GALK1: variants seen among roughly 807,000 people sequenced by gnomAD.
The protein encoded by GALK1 is galactokinase 1.
A neutral mutation model predicts 38.6 loss-of-function variants in GALK1; 30 were observed. The ratio of observed to expected loss-of-function variants is 0.78; its 90% CI spans 0.58 to 1.05. GALK1 has a LOEUF of 1.05. GALK1 is among the 50% of genes least tolerant of loss of function. GALK1 has a pLI of 0.00. For missense variants in GALK1, 512 were observed against 540.5 expected (o/e 0.95, Z 0.52); for synonymous variants, 240 against 233.6 (o/e 1.03, Z -0.25).
At chr17:75,757,229 G>A (rs151327791), downstream of GALK1, 1,175 of 1,611,842 alleles carry the variant, frequency 7.3e-4, 4 homozygotes, top group Non-Finnish European at 3.0e-4. Flanking sequence ...CAGCCGTGCC[G>A]GGCTCTTCCA....
In GALK1 at chr17:75,758,124, GCTC is replaced by G; in HGVS notation, c.1108_1110del (p.Glu370del). The G allele has an allele frequency of 6.2e-7, 1 of 1,612,680 alleles. No individual in the cohort carries two copies. Among genetic ancestry groups the G allele is most frequent in the Non-Finnish European group, 8.5e-7 (1 of 1,179,910 alleles). Reference sequence around the variant, plus strand: ...TAGAAGGTGGCAGTCCCGCCGTAGTGCTCCTGTAAGAGGCGGGCTGGGGGTGAG... The same window carrying G: ...TAGAAGGTGGCAGTCCCGCCGTAGTGCTGTAAGAGGCGGGCTGGGGGTGAG... On this transcript the variant is annotated inframe_deletion and splice_region_variant, in exon 8 of 8. Transcript: ENST00000588479.
downstream of GALK1, chr17:75,757,481 G>C: frequency 6.2e-7 from 1 of 1,613,114 alleles, no homozygotes; most frequent in Non-Finnish European, 8.5e-7. Context: ...TGTGACCCAG[G>C]AGTTTGTGAG....
At chr17:75,758,998 T>G (rs1271395130) in intron 5 of GALK1, among the ~76,000 whole-genome samples, 1 of 152,140 alleles carries the variant, frequency 6.6e-6, no homozygotes, top group Non-Finnish European at 1.5e-5. Flanking sequence ...TGACTGGAGC[T>G]GAGGCTGGAG....
At chr17:75,756,276 A>G (rs983780147), downstream of GALK1, among the ~76,000 whole-genome samples, 2 of 152,100 alleles carry the variant, frequency 1.3e-5, no homozygotes, top group African/African-American at 4.8e-5. Context: ...CTGAACAACC[A>G]GCCATACCAT....
At chr17:75,754,940 A>G (rs1250239319), downstream of GALK1, 22 of 1,488,938 alleles carry the variant, frequency 1.5e-5, no homozygotes, top group Non-Finnish European at 5.5e-6. Context: ...GCATGCACAC[A>G]TGCACGCACA....
At chr17:75,754,961 C>CAT (rs3988219), downstream of GALK1, 57,563 of 1,531,326 alleles carry the variant, frequency 0.038, 1,470 homozygotes, top group South Asian at 0.044. Context: ...CACGTGCACA[C>CAT]GCATGCACAC....
intron 5 of GALK1, among the ~76,000 whole-genome samples, chr17:75,760,961 T>C (rs1299728393): frequency 6.6e-6 from 1 of 152,112 alleles, no homozygotes; most frequent in Non-Finnish European, 1.5e-5. Context: ...CCCAGTACTT[T>C]GGGAGGCTGA....
intron 1 of GALK1, chr17:75,764,566 C>T (rs995197345): frequency 4.3e-6 from 2 of 460,906 alleles, no homozygotes; most frequent in Admixed American, 2.6e-5. Context: ...GTTTCCTCCT[C>T]TGTAAATTGA....
At chr17:75,757,386 C>A (rs921091392), downstream of GALK1, 14 of 1,612,920 alleles carry the variant, frequency 8.7e-6, no homozygotes, top group African/African-American at 1.7e-4. Flanking sequence ...AGACCCCAAG[C>A]CAGGTCATCT....
At chr17:75,751,960 C>T (rs962677087) in intron 8 of GALK1, 1 of 652,022 alleles carries the variant, frequency 1.5e-6, no homozygotes, top group Non-Finnish European at 2.8e-6. Flanking sequence ...ACTTACTCAG[C>T]AGAGTCCCTT....
At chr17:75,759,964 A>G (rs910218021) in intron 5 of GALK1, among the ~76,000 whole-genome samples, 1 of 152,198 alleles carries the variant, frequency 6.6e-6, no homozygotes, top group African/African-American at 2.4e-5. Flanking sequence ...CAAAAATATG[A>G]CAACTATGGT....
chr17:75,763,929 T>C lies in GALK1; in HGVS notation c.323A>G (p.Asn108Ser). 1.9e-6 allele frequency: 3 copies of C among 1,613,820 alleles called. No homozygotes were observed. Among genetic ancestry groups the C allele is most frequent in the East Asian group, 2.2e-5 (1 of 44,866 alleles). Residue 108 changes from asparagine to serine, a missense_variant, in exon 2 of 8, where the codon AAC becomes AGC. By Grantham distance (46) the Asn-to-Ser change is conservative. Transcript: ENST00000588479. ...GTACTGAATCACTCCCTTGACATAG[T>C]TGGCCCACCGAGGAGTCCCAGGCTC... ...SLEPGTPRWANYVKGVIQYYP... is the reference protein window; with the variant it reads ...SLEPGTPRWASYVKGVIQYYP...
downstream of GALK1, chr17:75,757,871 G>T: frequency 1.4e-6 from 1 of 724,950 alleles, no homozygotes; most frequent in Admixed American, 2.2e-5. Context: ...CCTAGGGTAG[G>T]GGAGCGGTTC....
chr17:75,759,427 C>CAAAAA (rs10624000), intron 5 of GALK1, among the ~76,000 whole-genome samples: 1 of 143,420 alleles, frequency 7.0e-6, no homozygotes. Context: ...GGCTCCCTCT[C>CAAAAA]AAAAAAAAAG....
At chr17:75,757,101 G>A (rs200441318), downstream of GALK1, 6 of 1,612,952 alleles carry the variant, frequency 3.7e-6, no homozygotes, top group Middle Eastern at 3.3e-4. Context: ...AGAGTCCCAG[G>A]ATGGAGGTAG....
intron 1 of GALK1, 141 bp from the exon 2 acceptor site, chr17:75,764,227 C>G (rs1316410525): frequency 1.1e-6 from 1 of 879,518 alleles, no homozygotes; most frequent in Admixed American, 1.7e-5. Flanking sequence ...AGGGAAGATC[C>G]TGAGGGCCAG....
At chr17:75,755,913 A>G, downstream of GALK1, 3 of 1,556,114 alleles carry the variant, frequency 1.9e-6, no homozygotes, top group Non-Finnish European at 2.6e-6. Context: ...CCAGTGTGAC[A>G]CATAGGGTAC....
At chr17:75,755,727 G>A (rs1320223168), downstream of GALK1, 20 of 1,612,886 alleles carry the variant, frequency 1.2e-5, no homozygotes, top group Admixed American at 1.7e-5. Flanking sequence ...TGGTGTGCCC[G>A]ACACGCCCAC....
At chr17:75,764,585 G>A in intron 1 of GALK1, 2 of 450,774 alleles carry the variant, frequency 4.4e-6, no homozygotes, top group African/African-American at 2.0e-5. Context: ...GAACGGGCTG[G>A]GCCAGAAGGC....
Sources: gnomAD v4.1 joint callset for allele counts (sites outside exome capture counted in the v4.1 genomes callset) on GRCh38, gnomAD v4.1.1 for gene constraint, MANE v1.5 for transcripts, NCBI Gene and HGNC (gene_info 2026-07-23, HGNC 2026-07-21) for gene names.